The following ERN1 variants were observed in gnomAD, a reference collection of about 807,000 sequenced individuals.
The protein encoded by ERN1 is endoplasmic reticulum to nucleus signaling 1.
Under a neutral mutation model 113.1 loss-of-function variants are expected in ERN1, and 39 were observed. The ratio of observed to expected loss-of-function variants is 0.34; its 90% CI spans 0.27 to 0.45. ERN1 has a LOEUF of 0.45. ERN1 is among the 20% of genes least tolerant of loss of function. The pLI is 1.00. For synonymous variants in ERN1, 507 were observed against 515.9 expected (o/e 0.98, Z 0.23); for missense variants, 976 against 1,274.8 (o/e 0.77, Z 3.57).
chr17:64,045,047 A>G (rs1372142745), intron 20 of ERN1, 120 bp from the exon 21 acceptor site: 2 of 782,896 alleles, frequency 2.6e-6, no homozygotes, highest in Non-Finnish European at 4.2e-6. Flanking sequence ...GTCACTCCAC[A>G]CCTAGGCATG....
rs1308768298 is a variant in ERN1, at chr17:64,054,478, G to A, written c.1764-39C>T. On this transcript the variant is annotated intron_variant, in intron 14 of 21. Transcript: ENST00000433197. The surrounding 1 kb of genome is among the most constrained non-coding windows in gnomAD (Gnocchi z 4.9). Reference sequence around the variant, plus strand: ...AGTGGGAGTTGTGTCTGGGAAGCACGAGTCAGGCTGTGTAAATGAGGTGAG... The same window carrying A: ...AGTGGGAGTTGTGTCTGGGAAGCACAAGTCAGGCTGTGTAAATGAGGTGAG... The A allele has an allele frequency of 8.5e-6, 13 of 1,527,970 alleles. No individual in the cohort carries two copies. Among genetic ancestry groups the A allele is most frequent in the Admixed American group, 2.0e-5 (1 of 50,496 alleles). 94.7% of individuals were successfully genotyped at this position (1,527,970 alleles called of 1,614,324 possible).
chr17:64,105,622 T>C (rs944640985), intron 1 of ERN1, among the ~76,000 whole-genome samples: 42 of 152,206 alleles, frequency 2.8e-4, no homozygotes, highest in African/African-American at 6.5e-4. Flanking sequence ...TCTGTGTTCA[T>C]TGGATTACTG....
chr17:64,089,300 A>G (rs1467720154), intron 2 of ERN1, among the ~76,000 whole-genome samples: 5 of 147,340 alleles, frequency 3.4e-5, no homozygotes, highest in African/African-American at 1.0e-4. Context: ...GCCTGGGCAA[A>G]AGAGTGAGAA....
At chr17:64,103,868 G>A (rs1223239552) in intron 1 of ERN1, among the ~76,000 whole-genome samples, 1 of 152,166 alleles carries the variant, frequency 6.6e-6, no homozygotes, top group Non-Finnish European at 1.5e-5. Flanking sequence ...AAAACCACCA[G>A]TTTCTAAACT....
chr17:64,114,918 T>C (rs1029755219), intron 1 of ERN1, among the ~76,000 whole-genome samples: 1 of 152,156 alleles, frequency 6.6e-6, no homozygotes, highest in Non-Finnish European at 1.5e-5. Context: ...TGATGAAATG[T>C]GGCCTTCAGA....
intron 1 of ERN1, among the ~76,000 whole-genome samples, chr17:64,119,412 G>C (rs1035410913): frequency 1.4e-4 from 5 of 35,478 alleles, no homozygotes; most frequent in African/African-American, 4.8e-4. Context: ...TTTTGAGATT[G>C]AGTTTCACTC....
rs912456129 is a variant in ERN1, at chr17:64,040,654, A to G, written c.*3334T>C. The G allele has an allele frequency of 4.6e-5, 7 of 152,244 alleles. No homozygotes were observed. The highest frequency in any genetic ancestry group is 3.9e-4 in the Admixed American group (6 of 15,282). The allele number at this position is 152,244 out of a possible 1,614,324, so 9.4% of individuals were successfully genotyped here. On this transcript the variant is annotated 3_prime_UTR_variant, in exon 22 of 22. Coordinates refer to ENST00000433197, the MANE Select transcript of ERN1 (RefSeq NM_001433.5). ...CACCTGCAGATCTTCCAGAACATCT[A>G]TCTGTAACTGATCAGAGTGATGTCT...
chr17:64,126,467 G>A (rs1915083736), intron 1 of ERN1, among the ~76,000 whole-genome samples: 1 of 152,066 alleles, frequency 6.6e-6, no homozygotes, highest in Non-Finnish European at 1.5e-5. Context: ...ATTCCATCCA[G>A]ACATGAAGAA....
intron 2 of ERN1, among the ~76,000 whole-genome samples, chr17:64,086,759 G>A (rs1436819087): frequency 7.1e-6 from 1 of 140,352 alleles, no homozygotes; most frequent in Non-Finnish European, 1.5e-5. Context: ...TGACTCTCCT[G>A]CCTCAGCCTA....
intron 2 of ERN1, among the ~76,000 whole-genome samples, chr17:64,094,232 G>A (rs771433227): frequency 9.9e-5 from 15 of 152,116 alleles, no homozygotes; most frequent in Non-Finnish European, 1.9e-4. Flanking sequence ...ACAGTTCACC[G>A]TCCTGGAAAT....
intron 12 of ERN1, among the ~76,000 whole-genome samples, chr17:64,056,199 G>A (rs1449513702): frequency 6.6e-6 from 1 of 152,236 alleles, no homozygotes; most frequent in East Asian, 1.9e-4. Flanking sequence ...TGGCCACCAG[G>A]GGAGGGACTG....
rs370348419 is a variant in ERN1, at chr17:64,098,083, C to A, written c.175+38G>T. On this transcript the variant is annotated intron_variant, in intron 2 of 21. Transcript: ENST00000433197. The stretch of plus-strand genomic sequence containing the variant: ...ATATGTTTCTGTGGAACCAGTTAAG[C>A]AAATGTCCATGTCGCCCAAGGACCA... 8 of 1,610,770 alleles carry A rather than the reference C, an allele frequency of 5.0e-6. No homozygotes were observed. In the African/African-American group the frequency reaches 1.1e-4, roughly 22 times the overall value.
chr17:64,104,166 T>G (rs965285671), intron 1 of ERN1, among the ~76,000 whole-genome samples: 5 of 152,112 alleles, frequency 3.3e-5, no homozygotes, highest in Non-Finnish European at 7.4e-5. Context: ...TGCTTGAGCC[T>G]GGGAAGCAAA....
At chr17:64,120,722 GAACACT>G (rs1220144053) in intron 1 of ERN1, among the ~76,000 whole-genome samples, 1 of 152,050 alleles carries the variant, frequency 6.6e-6, no homozygotes, top group Non-Finnish European at 1.5e-5. Context: ...CCCACCAAAA[GAACACT>G]ACACACTATG....
chr17:64,123,573 G>A (rs765875949), intron 1 of ERN1, among the ~76,000 whole-genome samples: 14 of 152,212 alleles, frequency 9.2e-5, no homozygotes, highest in Middle Eastern at 6.8e-3. Flanking sequence ...AACAATTTAA[G>A]GTTAGTTTTG....
chr17:64,076,395 T>C (rs1188383389), intron 4 of ERN1, among the ~76,000 whole-genome samples: 1 of 152,216 alleles, frequency 6.6e-6, no homozygotes. Flanking sequence ...GGAAAAATGC[T>C]TCAGAGAGGC....
At chr17:64,088,023 C>T (rs970728068) in intron 2 of ERN1, among the ~76,000 whole-genome samples, 3 of 152,212 alleles carry the variant, frequency 2.0e-5, no homozygotes, top group Non-Finnish European at 2.9e-5. Context: ...AACCAGACTT[C>T]GAGATTGACG....
intron 1 of ERN1, among the ~76,000 whole-genome samples, chr17:64,103,373 T>C (rs997952924): frequency 4.6e-5 from 7 of 152,042 alleles, no homozygotes; most frequent in African/African-American, 1.7e-4. Context: ...GGCAGTCACC[T>C]GTAATCCCAG....
chr17:64,100,048 T>C (rs972289919), intron 1 of ERN1, among the ~76,000 whole-genome samples: 3 of 152,172 alleles, frequency 2.0e-5, no homozygotes, highest in Admixed American at 6.5e-5. Flanking sequence ...AACATAAGCC[T>C]CAAGGGTGGT....
Sources: allele counts gnomAD v4.1 joint callset (sites outside exome capture counted in the v4.1 genomes callset), GRCh38; gene constraint gnomAD v4.1.1; non-coding constraint Gnocchi (gnomAD v3.1); transcripts MANE v1.5; gene names NCBI Gene and HGNC (gene_info 2026-07-23, HGNC 2026-07-21).